Variants in TP63 observed in about 807,000 individuals in gnomAD.
The protein encoded by TP63 is tumor protein 63.
In TP63, 17 loss-of-function variants were observed where a neutral mutation model predicts 82.8. The ratio of observed to expected loss-of-function variants is 0.21; its 90% CI spans 0.14 to 0.31. The LOEUF (loss-of-function observed/expected upper bound fraction) is 0.31, where lower values mean the gene tolerates loss of function less well. Among genes scored for constraint, TP63 ranks in the 10% least tolerant of loss-of-function variants. The probability of loss-of-function intolerance (pLI) is 1.00; values close to 1 mark genes in which losing one functional copy is unlikely to be tolerated. For missense variants in TP63, 648 were observed against 895.3 expected, an observed-to-expected ratio of 0.72 and a Z score of 3.52; for synonymous variants, 330 against 321.7, an observed-to-expected ratio of 1.03 and a Z score of -0.28.
At chr3:189,758,420 A>T (rs1216470049) in intron 3 of TP63, among the ~76,000 whole-genome samples, 1 of 152,212 alleles carries the variant, frequency 6.6e-6, no homozygotes, top group Non-Finnish European at 1.5e-5. Flanking sequence ...CACATTGCAC[A>T]TGCAGCCCCT....
At chr3:189,780,822 T>C (rs879660471) in intron 3 of TP63, among the ~76,000 whole-genome samples, 2 of 152,228 alleles carry the variant, frequency 1.3e-5, no homozygotes, top group Non-Finnish European at 2.9e-5. Context: ...TCCACCTCTC[T>C]GCTGGCGGTG....
the TP63 span, among the ~76,000 whole-genome samples, chr3:189,621,919 C>T: frequency 1.3e-5 from 2 of 152,182 alleles, no homozygotes; most frequent in Non-Finnish European, 2.9e-5. Flanking sequence ...GTTGTGTTTT[C>T]AGACTGAGGC....
At chr3:189,858,669 C>A (rs1032121530) in intron 4 of TP63, among the ~76,000 whole-genome samples, 4 of 152,270 alleles carry the variant, frequency 2.6e-5, no homozygotes, top group South Asian at 4.1e-4. Context: ...GCCCTAGCTA[C>A]TCAGGAGGCT....
chr3:189,612,079 A>T, the TP63 span, among the ~76,000 whole-genome samples: 9 of 152,166 alleles, frequency 5.9e-5, no homozygotes, highest in Non-Finnish European at 1.0e-4. Flanking sequence ...GCAATCAAAG[A>T]TCGTTTGCCT....
chr3:189,730,444 T>A (rs931861119), intron 1 of TP63, among the ~76,000 whole-genome samples: 1 of 152,232 alleles, frequency 6.6e-6, no homozygotes, highest in Non-Finnish European at 1.5e-5. Flanking sequence ...GAAATATTCC[T>A]CTTAACTATG....
chr3:189,770,979 C>A (rs1654501420), intron 3 of TP63, among the ~76,000 whole-genome samples: 1 of 152,022 alleles, frequency 6.6e-6, no homozygotes, highest in African/African-American at 2.4e-5. Flanking sequence ...TCTTTTATTA[C>A]CCTTGCTCCT....
chr3:189,642,978 A>AATTAATTTATTTATTTATTT (rs1204363196), intron 1 of TP63, among the ~76,000 whole-genome samples: 7 of 137,704 alleles, frequency 5.1e-5, no homozygotes, highest in Non-Finnish European at 1.1e-4. Flanking sequence ...CAGACAGCCA[A>AATTAATTTATTTATTTATTT]ATTTATTTAT....
intron 13 of TP63, among the ~76,000 whole-genome samples, chr3:189,892,086 T>A (rs565310941): frequency 1.4e-4 from 22 of 152,246 alleles, no homozygotes; most frequent in African/African-American, 5.3e-4. Flanking sequence ...GCTTTAAGAG[T>A]AAGTTCCAGT....
In TP63 at chr3:189,828,056, T is replaced by C. The variant is rs1313752975; in HGVS notation, c.579+19530T>C. Among the ~76,000 whole-genome samples, 4 of 151,956 alleles carry C rather than the reference T, an allele frequency of 2.6e-5. No homozygotes were observed. In the East Asian group the frequency reaches 7.7e-4, roughly 29 times the overall value. On this transcript the variant is annotated intron_variant, in intron 4 of 13. Coordinates refer to ENST00000264731, the MANE Select transcript of TP63 (RefSeq NM_003722.5). Reference sequence around the variant, plus strand: ...TGGAGTTCAAGACCAGCCTGGCTGATATGATGAAACCCTTTCTCTACTAAA... The same window carrying C: ...TGGAGTTCAAGACCAGCCTGGCTGACATGATGAAACCCTTTCTCTACTAAA...
the TP63 span, among the ~76,000 whole-genome samples, chr3:189,624,098 A>C: frequency 2.0e-5 from 3 of 152,284 alleles, no homozygotes; most frequent in Non-Finnish European, 4.4e-5. Flanking sequence ...GCTGAGTATT[A>C]ATTTCCTCAT....
At chr3:189,781,879 T>C (rs1724258659) in intron 3 of TP63, among the ~76,000 whole-genome samples, 1 of 152,132 alleles carries the variant, frequency 6.6e-6, no homozygotes, top group African/African-American at 2.4e-5. Flanking sequence ...AAGTTGTCTG[T>C]CTTCATCAAT....
At chr3:189,622,314 G>A in the TP63 span, among the ~76,000 whole-genome samples, 2 of 152,134 alleles carry the variant, frequency 1.3e-5, no homozygotes, top group African/African-American at 4.8e-5. Context: ...TTTTGACTGC[G>A]CACAAATGTA....
At chr3:189,635,103 A>G (rs1017797281) in intron 1 of TP63, among the ~76,000 whole-genome samples, 5 of 152,134 alleles carry the variant, frequency 3.3e-5, no homozygotes, top group Non-Finnish European at 5.9e-5. Context: ...AGTAAACATC[A>G]TTTCAATTTG....
chr3:189,819,510 G>T (rs574694603), intron 4 of TP63, among the ~76,000 whole-genome samples: 119 of 151,334 alleles, frequency 7.9e-4, no homozygotes, highest in Non-Finnish European at 1.4e-3. Context: ...TGTTCTCATT[G>T]TTCAATTCCT....
At chr3:189,890,292 A>C (rs567449947) in intron 12 of TP63, among the ~76,000 whole-genome samples, 5 of 152,296 alleles carry the variant, frequency 3.3e-5, no homozygotes, top group African/African-American at 4.8e-5. Context: ...AAGGAAGGGG[A>C]TCTGTATCCT....
At chr3:189,793,811 A>C (rs893659466) in intron 3 of TP63, among the ~76,000 whole-genome samples, 1 of 152,112 alleles carries the variant, frequency 6.6e-6, no homozygotes, top group African/African-American at 2.4e-5. Flanking sequence ...GAAGATAAAA[A>C]ATTGTTAAAC....
rs757669482 is a variant in TP63, at chr3:189,864,322, G to A, written c.670G>A (p.Val224Ile). Reference sequence around the variant, plus strand: ...GATGACCCCACCTCCTCAGGGAGCTGTTATCCGCGCCATGCCTGTCTACAA... The same window carrying A: ...GATGACCCCACCTCCTCAGGGAGCTATTATCCGCGCCATGCCTGTCTACAA... ...KVMTPPPQGA[V>I]IRAMPVYKKA... is the part of the protein sequence containing the mutation. The change falls in exon 5 of 14, where the codon GTT becomes ATT. Residue 224 changes from valine (V) to isoleucine (I), a missense_variant. Around this residue, in one of 5 missense-constraint regions of TP63, gnomAD observed 64 missense variants for 144.2 expected, o/e 0.44. Transcript: ENST00000264731. 1.9e-6 allele frequency: 3 copies of A among 1,614,192 alleles called. No individual in the cohort carries two copies. The highest frequency in any genetic ancestry group is 2.5e-6 in the Non-Finnish European group (3 of 1,180,034).
chr3:189,822,140 A>T (rs568630601), intron 4 of TP63, among the ~76,000 whole-genome samples: 2 of 152,286 alleles, frequency 1.3e-5, no homozygotes, highest in Admixed American at 6.5e-5. Context: ...TAACGATGTT[A>T]TTGGTAGGAT....
At chr3:189,636,810 C>CA (rs1441593636) in intron 1 of TP63, among the ~76,000 whole-genome samples, 1 of 151,848 alleles carries the variant, frequency 6.6e-6, no homozygotes, top group Non-Finnish European at 1.5e-5. Context: ...CTTTGCAAAG[C>CA]AAAAATTGTA....
Sources: allele counts gnomAD v4.1 joint callset (sites outside exome capture counted in the v4.1 genomes callset), GRCh38; gene constraint gnomAD v4.1.1; regional missense constraint gnomAD v4.1.1; transcripts MANE v1.5; gene names NCBI Gene and HGNC (gene_info 2026-07-23, HGNC 2026-07-21).